The following RAPGEFL1 variants were observed in gnomAD, a reference collection of about 807,000 sequenced individuals.
RAPGEFL1 encodes rap guanine nucleotide exchange factor-like 1.
Under a neutral mutation model 64.4 loss-of-function variants are expected in RAPGEFL1, and 31 were observed. That is an observed-to-expected ratio of 0.48 (90% confidence interval 0.36 to 0.65). The LOEUF (loss-of-function observed/expected upper bound fraction) is 0.65. Ranked by LOEUF, RAPGEFL1 falls within the 30% of genes least tolerant of loss-of-function variation. The pLI is 0.00. For missense variants in RAPGEFL1, 682 were observed against 677.4 expected, an observed-to-expected ratio of 1.01 and a Z score of -0.08; for synonymous variants, 331 against 274.1, an observed-to-expected ratio of 1.21 and a Z score of -2.05.
intron 1 of RAPGEFL1, among the ~76,000 whole-genome samples, chr17:40,179,864 A>C (rs78262563): frequency 0.083 from 12,692 of 152,158 alleles, 1,271 homozygotes; most frequent in African/African-American, 0.24. Context: ...TCTCCTTTGG[A>C]GCAGGCTGTA....
Position 40,193,895 on chromosome 17 carries a change from C to CCG in RAPGEFL1, c.*107_*108insCG, listed in dbSNP as rs1355620870. 1 of 1,440,182 alleles carries CCG rather than the reference C, an allele frequency of 6.9e-7. No individual in the cohort carries two copies. The highest frequency in any genetic ancestry group is 9.4e-7 in the Non-Finnish European group (1 of 1,061,778). 89.2% of individuals were successfully genotyped at this position (1,440,182 alleles called of 1,614,324 possible). ...GACATCTTTCCCGTGGAGCAACTTC[C>CCG]TGCTCCACGGGAAAGAGGTCGATGG... On this transcript the variant is annotated 3_prime_UTR_variant, in exon 15 of 15. Coordinates refer to ENST00000620260, the MANE Select transcript of RAPGEFL1 (RefSeq NM_016339.6).
intron 4 of RAPGEFL1, among the ~76,000 whole-genome samples, chr17:40,187,352 G>C (rs937916225): frequency 6.6e-6 from 1 of 152,014 alleles, no homozygotes; most frequent in Non-Finnish European, 1.5e-5. Context: ...CTCAGCTTGT[G>C]GTCTAGCATC....
At position 40,189,427 on chromosome 17, in the gene RAPGEFL1, C is replaced by T. The variant is rs1447142023; in HGVS notation, c.1114+52C>T. Reference sequence around the variant, plus strand: ...TGCTCCGAGAGGAGAAACTCACAAGCTCAGGGCTCTGGGGGAGGGGTAGAG... The same window carrying T: ...TGCTCCGAGAGGAGAAACTCACAAGTTCAGGGCTCTGGGGGAGGGGTAGAG... On this transcript the variant is annotated intron_variant, in intron 6 of 14. Coordinates refer to ENST00000620260, the MANE Select transcript of RAPGEFL1 (RefSeq NM_016339.6). 5 of 1,590,420 alleles carry T rather than the reference C, an allele frequency of 3.1e-6. No individual in the cohort carries two copies. In the East Asian group the frequency reaches 6.7e-5, roughly 21 times the overall value.
intron 1 of RAPGEFL1, among the ~76,000 whole-genome samples, chr17:40,179,055 T>C (rs1463539521): frequency 6.7e-6 from 1 of 149,536 alleles, no homozygotes; most frequent in African/African-American, 2.5e-5. Context: ...GTGGCAGGCC[T>C]CAGCACCCGG....
intron 2 of RAPGEFL1, among the ~76,000 whole-genome samples, chr17:40,183,387 T>C (rs1989951175): frequency 6.6e-6 from 1 of 152,034 alleles, no homozygotes; most frequent in Non-Finnish European, 1.5e-5. Flanking sequence ...CTACCTACTC[T>C]AAGCAAAAGC....
chr17:40,190,622 G>A lies in RAPGEFL1; in HGVS notation c.1213-18G>A. On this transcript the variant is annotated intron_variant, in intron 7 of 14. Transcript: ENST00000620260. Reference sequence around the variant, plus strand: ...CTGCCACCAGGAGCCCAGCCCCTATGCCCCTGCCTGCCACCAGGTGCCCCT... The same window carrying A: ...CTGCCACCAGGAGCCCAGCCCCTATACCCCTGCCTGCCACCAGGTGCCCCT... 6.2e-7 allele frequency: 1 copy of A among 1,613,968 alleles called. No homozygotes were observed. Among genetic ancestry groups the A allele is most frequent in the African/African-American group, 1.3e-5 (1 of 75,018 alleles).
At chr17:40,187,899 C>T (rs1455624066) in intron 4 of RAPGEFL1, among the ~76,000 whole-genome samples, 2 of 149,858 alleles carry the variant, frequency 1.3e-5, no homozygotes, top group Non-Finnish European at 3.0e-5. Context: ...AGGCGTGAGC[C>T]ACCGCGCCTG....
Position 40,181,530 on chromosome 17 carries a change from TA to T in RAPGEFL1, c.521-85del, listed in dbSNP as rs945151140. The stretch of plus-strand genomic sequence containing the variant: ...AGCCTGGCTAAAGAGAACTTGCCCT[TA>T]GGGGCAAGAGAGGGAGGCACTGCAT... On this transcript the variant is annotated intron_variant, in intron 1 of 14. Coordinates refer to ENST00000620260, the MANE Select transcript of RAPGEFL1 (RefSeq NM_016339.6). 89 of 690,158 alleles carry T rather than the reference TA, an allele frequency of 1.3e-4. No individual in the cohort carries two copies. The African/African-American group carries it at 1.5e-3, about 12-fold the overall frequency. The allele number at this position is 690,158 out of a possible 1,614,324, so 42.8% of individuals were successfully genotyped here. A position where few individuals can be genotyped will look rare whatever the true frequency, so the allele number is the denominator to read the frequency against.
At chr17:40,192,373 A>ACCGGT in intron 11 of RAPGEFL1, 110 bp downstream of exon 11, 2 of 1,230,248 alleles carry the variant, frequency 1.6e-6, no homozygotes, top group African/African-American at 3.0e-5. Flanking sequence ...AGTGTATGGG[A>ACCGGT]CCCCCCACCC....
At chr17:40,188,569 G>C in intron 4 of RAPGEFL1, 2 of 405,078 alleles carry the variant, frequency 4.9e-6, no homozygotes, top group South Asian at 4.5e-5. Context: ...GAAGAGATAA[G>C]AGGTGAACAT....
chr17:40,181,499 G>A, intron 1 of RAPGEFL1, 117 bp from the exon 2 acceptor site: 1 of 678,418 alleles, frequency 1.5e-6, no homozygotes, highest in Non-Finnish European at 2.7e-6. Flanking sequence ...AGGTGGCTGG[G>A]GCTCCAGCCT....
chr17:40,177,505 G>A lies in RAPGEFL1; in HGVS notation c.-357G>A, dbSNP rs929875991. The A allele has an allele frequency of 3.4e-6, 2 of 588,904 alleles. No individual in the cohort carries two copies. Among genetic ancestry groups the A allele is most frequent in the South Asian group, 1.9e-5 (1 of 52,882 alleles). 36.5% of individuals were successfully genotyped at this position (588,904 alleles called of 1,614,324 possible). ...CTTCACGGCCAGGAGCGCAGCCGCCGCCGCCGCCGCCGCCGCGTCCTCTCA... is the reference window on the plus strand; with the variant it reads ...CTTCACGGCCAGGAGCGCAGCCGCCACCGCCGCCGCCGCCGCGTCCTCTCA... On this transcript the variant is annotated 5_prime_UTR_variant, in exon 1 of 15. Coordinates refer to ENST00000620260, the MANE Select transcript of RAPGEFL1 (RefSeq NM_016339.6).
In RAPGEFL1 at chr17:40,192,515, A is replaced by T. The variant is rs936174965; in HGVS notation, c.1657-91A>T. 1.3e-4 allele frequency: 146 copies of T among 1,165,768 alleles called. 1 individual carries two copies. 72.2% of individuals were successfully genotyped at this position (1,165,768 alleles called of 1,614,324 possible). A position where few individuals can be genotyped will look rare whatever the true frequency, so the allele number is the denominator to read the frequency against. ...AGCACCCCTATCTGATCAGGAATGT[A>T]TACAAGGCAGGGGGTGAGGGAGGAA... On this transcript the variant is annotated intron_variant, in intron 11 of 14. Transcript: ENST00000620260.
In RAPGEFL1 at chr17:40,191,518, G is replaced by T. The variant is rs774609858; in HGVS notation, c.1514+24G>T. On this transcript the variant is annotated intron_variant, in intron 9 of 14. Coordinates refer to ENST00000620260, the MANE Select transcript of RAPGEFL1 (RefSeq NM_016339.6). This position sits in a 1 kb window ranked among gnomAD's most constrained non-coding sequence, Gnocchi z 5.1. ...CTGTGAGTGCGGCCGTCGGCGGGAT[G>T]GGGGGCCGGAGGCCGGAGGCCCGCG... 5 of 1,584,342 alleles carry T rather than the reference G, an allele frequency of 3.2e-6. No homozygotes were observed. The highest frequency in any genetic ancestry group is 1.8e-5 in the Admixed American group (1 of 55,240).
intron 2 of RAPGEFL1, among the ~76,000 whole-genome samples, chr17:40,182,645 AT>A (rs1989929346): frequency 6.6e-6 from 1 of 152,210 alleles, no homozygotes; most frequent in Non-Finnish European, 1.5e-5. Context: ...GGGCACCTCT[AT>A]CCCCACTGAA....
In RAPGEFL1 at chr17:40,177,860, G is replaced by T. The variant is rs990231913; in HGVS notation, c.-2G>T. 1.6e-5 allele frequency: 7 copies of T among 428,508 alleles called. No individual in the cohort carries two copies. The South Asian group carries it at 2.8e-4, about 17-fold the overall frequency. The allele number at this position is 428,508 out of a possible 1,614,324, so 26.5% of individuals were successfully genotyped here. On this transcript the variant is annotated 5_prime_UTR_variant, in exon 1 of 15. Coordinates refer to ENST00000620260, the MANE Select transcript of RAPGEFL1 (RefSeq NM_016339.6). ...ACCCCTAGGAGAGGGGCGGGGGGGG[G>T]CATGAAGCCGCTGGAGAAATTTCTG...
chr17:40,177,795 C>T lies in RAPGEFL1; in HGVS notation c.-67C>T, dbSNP rs1255723303. The T allele has an allele frequency of 1.2e-5, 5 of 407,052 alleles. No homozygotes were observed. Among genetic ancestry groups the T allele is most frequent in the Non-Finnish European group, 2.2e-5 (5 of 230,834 alleles). The allele number at this position is 407,052 out of a possible 1,614,324, so 25.2% of individuals were successfully genotyped here. On this transcript the variant is annotated 5_prime_UTR_variant, in exon 1 of 15. Transcript: ENST00000620260. ...AGCTCTGAGCATCGTGTCTTCGCCG[C>T]CCCCCCCGCCCGCGCCTGGGATACC...
At position 40,178,209 on chromosome 17, in the gene RAPGEFL1, A is replaced by AG; in HGVS notation, c.354dup (p.Pro119AlafsTer11). 5.4e-6 allele frequency: 3 copies of AG among 552,026 alleles called. No homozygotes were observed. The highest frequency in any genetic ancestry group is 3.5e-5 in the East Asian group (1 of 28,726). The allele number at this position is 552,026 out of a possible 1,614,324, so 34.2% of individuals were successfully genotyped here. On this transcript the variant is annotated frameshift_variant, in exon 1 of 15. Transcript: ENST00000620260. LOFTEE classifies it high-confidence loss of function. The stretch of plus-strand genomic sequence containing the variant: ...TGCCGGGGCCCGGGCCTCTCGGGGG[A>AG]GGGGGGCCCCTGCGCTCCCCTTCCT...
chr17:40,192,305 C>G (rs755003358), intron 11 of RAPGEFL1, 42 bp downstream of exon 11: 1 of 1,586,326 alleles, frequency 6.3e-7, no homozygotes, highest in African/African-American at 1.3e-5. Context: ...GGACTGAGAG[C>G]CCAGAAACCC....
Sources: gnomAD v4.1 joint callset for allele counts (sites outside exome capture counted in the v4.1 genomes callset) on GRCh38, gnomAD v4.1.1 for gene constraint, Gnocchi (gnomAD v3.1) non-coding constraint, MANE v1.5 for transcripts, NCBI Gene and HGNC (gene_info 2026-07-23, HGNC 2026-07-21) for gene names.